The following PKHD1L1 variants were observed in gnomAD, a reference collection of about 807,000 sequenced individuals.
PKHD1L1 encodes PKHD1 like 1.
PKHD1L1 carries 434 observed loss-of-function variants against 462.9 expected under a neutral mutation model. The ratio of observed to expected loss-of-function variants is 0.94; its 90% CI spans 0.87 to 1.02. PKHD1L1 has a LOEUF of 1.02. Ranked by LOEUF, PKHD1L1 falls within the 50% of genes least tolerant of loss-of-function variation. The pLI is 0.00. For synonymous variants in PKHD1L1, 1,781 were observed against 1,750.0 expected (o/e 1.02, Z -0.44); for missense variants, 5,202 against 5,096.1 (o/e 1.02, Z -0.63).
intron 2 of PKHD1L1, among the ~76,000 whole-genome samples, chr8:109,373,572 C>G (rs931494803): frequency 6.6e-6 from 1 of 152,046 alleles, no homozygotes; most frequent in South Asian, 2.1e-4. Flanking sequence ...GCTCTTTCTT[C>G]TCTAGTTCTT....
At chr8:109,439,267 GT>G (rs1815633342) in intron 32 of PKHD1L1, among the ~76,000 whole-genome samples, 175 bp downstream of exon 32, 1 of 152,138 alleles carries the variant, frequency 6.6e-6, no homozygotes, top group South Asian at 2.1e-4. Context: ...ATGACGCATA[GT>G]TTTGAGACCA....
chr8:109,492,727 C>T (rs1818896157), intron 62 of PKHD1L1, among the ~76,000 whole-genome samples: 1 of 151,726 alleles, frequency 6.6e-6, no homozygotes, highest in African/African-American at 2.4e-5. Flanking sequence ...GGAAAAAGTA[C>T]TTAATTGACA....
In PKHD1L1 at chr8:109,461,870, G is replaced by T. The variant is rs1258325415; in HGVS notation, c.7345G>T (p.Gly2449Cys). 11 of 1,604,694 alleles carry T rather than the reference G, an allele frequency of 6.9e-6. No individual in the cohort carries two copies. Among genetic ancestry groups the T allele is most frequent in the Non-Finnish European group, 9.4e-6 (11 of 1,175,252 alleles). ...CGTTATGTTTCATGCTCCTGTACCT[G>T]GTGCTAACATGGTAACTGGGAGAAT... ...GCVMFHAPVP[G>C]ANMVTGRIEY... is the part of the protein sequence containing the mutation. The change falls in exon 48 of 78, where the codon GGT becomes TGT. Residue 2449 changes from glycine (G) to cysteine (C), a missense_variant. By Grantham distance (159) the Gly-to-Cys change is radical. Coordinates refer to ENST00000378402, the MANE Select transcript of PKHD1L1 (RefSeq NM_177531.6).
rs1203333171 is a variant in PKHD1L1, at chr8:109,476,510, A to G, written c.8760A>G (p.Glu2920=). Residue 2920 remains glutamate, a splice_region_variant and synonymous_variant, in exon 52 of 78, where the codon GAA becomes GAG. Transcript: ENST00000378402. Reference sequence around the variant, plus strand: ...CATTTTTCTATAAACTTTTATAGGAAGAAGACTATGTAATTATATCACATA... The same window carrying G: ...CATTTTTCTATAAACTTTTATAGGAGGAAGACTATGTAATTATATCACATA... ...SYTSTFYGFK[E]EDYVIISHNF... The G allele has an allele frequency of 6.8e-7, 1 of 1,461,868 alleles. No homozygotes were observed. Among genetic ancestry groups the G allele is most frequent in the South Asian group, 1.3e-5 (1 of 79,738 alleles). The allele number at this position is 1,461,868 out of a possible 1,614,324, so 90.6% of individuals were successfully genotyped here.
chr8:109,507,855 T>C lies in PKHD1L1; in HGVS notation c.11187T>C (p.Asn3729=), dbSNP rs1395751702. Residue 3729 remains asparagine, a synonymous_variant, in exon 69 of 78, where the codon AAT becomes AAC. Transcript: ENST00000378402. ...RIPKAMLTFL[N]GSRIPVTEKA... The stretch of plus-strand genomic sequence containing the variant: ...CTAAGGCGATGCTCACATTCTTGAA[T>C]GGAAGTAGAATTCCTGTCACTGAGA... The C allele has an allele frequency of 4.3e-6, 7 of 1,613,642 alleles. No individual in the cohort carries two copies. The South Asian group carries it at 6.6e-5, about 15-fold the overall frequency.
At chr8:109,401,423 G>GATAA in intron 13 of PKHD1L1, 74 bp from the exon 14 acceptor site, 1 of 772,082 alleles carries the variant, frequency 1.3e-6, no homozygotes, top group Non-Finnish European at 2.1e-6. Context: ...AATAATAAAT[G>GATAA]ATAAATAAAT....
At chr8:109,435,472 G>T in intron 29 of PKHD1L1, 118 bp downstream of exon 29, 1 of 1,119,814 alleles carries the variant, frequency 8.9e-7, no homozygotes. Flanking sequence ...TAGAACAAAG[G>T]AAAGTCTCCT....
chr8:109,435,647 G>C (rs1465222215), intron 29 of PKHD1L1, among the ~76,000 whole-genome samples: 2 of 152,116 alleles, frequency 1.3e-5, no homozygotes, highest in African/African-American at 4.8e-5. Context: ...AGATTTATTA[G>C]TTATTATTCT....
At chr8:109,517,634 G>T (rs1820339518) in intron 72 of PKHD1L1, among the ~76,000 whole-genome samples, 1 of 152,098 alleles carries the variant, frequency 6.6e-6, no homozygotes, top group African/African-American at 2.4e-5. Flanking sequence ...ATGTAAGCCT[G>T]TTTAGTTGGT....
At chr8:109,514,907 C>A (rs1467557097) in intron 71 of PKHD1L1, among the ~76,000 whole-genome samples, 1 of 152,042 alleles carries the variant, frequency 6.6e-6, no homozygotes, top group East Asian at 1.9e-4. Flanking sequence ...ATGAATCTTT[C>A]TTTAAACTCA....
chr8:109,380,197 C>T (rs149121286), intron 2 of PKHD1L1, among the ~76,000 whole-genome samples: 1 of 149,144 alleles, frequency 6.7e-6, no homozygotes, highest in African/African-American at 2.6e-5. Flanking sequence ...TAAATCTTAG[C>T]AGAGATCTCA....
chr8:109,388,994 A>C (rs1812573526), intron 7 of PKHD1L1, 85 bp from the exon 8 acceptor site: 1 of 905,648 alleles, frequency 1.1e-6, no homozygotes, highest in Non-Finnish European at 1.7e-6. Context: ...ATATTCTGAA[A>C]TTAATGAGTA....
chr8:109,366,550 C>T (rs1193936115), intron 2 of PKHD1L1, among the ~76,000 whole-genome samples: 1 of 152,154 alleles, frequency 6.6e-6, no homozygotes, highest in Admixed American at 6.5e-5. Flanking sequence ...ATATAGTTAA[C>T]AAGACTGCAT....
intron 72 of PKHD1L1, among the ~76,000 whole-genome samples, chr8:109,515,813 C>T (rs1236525664): frequency 2.0e-5 from 3 of 152,050 alleles, no homozygotes; most frequent in East Asian, 1.9e-4. Flanking sequence ...ATTCATTGAC[C>T]GATATTTGTA....
intron 9 of PKHD1L1, among the ~76,000 whole-genome samples, chr8:109,392,790 T>A (rs1812775397): frequency 6.6e-6 from 1 of 152,178 alleles, no homozygotes. Context: ...ATGAGCATTG[T>A]TGAATATCAA....
chr8:109,493,568 G>T (rs960553346), intron 62 of PKHD1L1, 93 bp from the exon 63 acceptor site: 2 of 641,640 alleles, frequency 3.1e-6, no homozygotes, highest in Non-Finnish European at 2.4e-6. Context: ...ATAATTAAAG[G>T]TTTTCATAAG....
rs1377137989 is a variant in PKHD1L1, at chr8:109,452,149, A to C, written c.6376A>C (p.Thr2126Pro). ...FSENMEDVHI[T>P]IAEAKCDVEY... ...TGAAAATATGGAGGATGTTCATATC[A>C]CCATAGCTGAAGCCAAATGTGATGT... is the stretch of plus-strand genomic sequence containing the variant. The change falls in exon 42 of 78, where the codon ACC (threonine) becomes CCC (proline). Residue 2126 changes from threonine (T) to proline (P), a missense_variant. Physicochemically the swap from Thr to Pro is conservative, Grantham distance 38. This residue lies in a region of PKHD1L1 where 4,497 missense variants were observed against 4,336.8 expected (regional missense o/e 1.04). Coordinates refer to ENST00000378402, the MANE Select transcript of PKHD1L1 (RefSeq NM_177531.6). The C allele has an allele frequency of 6.2e-7, 1 of 1,611,578 alleles. No individual in the cohort carries two copies. The highest frequency in any genetic ancestry group is 1.1e-5 in the South Asian group (1 of 90,488).
Position 109,526,799 on chromosome 8 carries a change from T to C in PKHD1L1, c.12500T>C (p.Ile4167Thr). The change falls in exon 77 of 78, where the codon ATT (isoleucine) becomes ACT (threonine). Residue 4167 changes from isoleucine to threonine, a missense_variant. This residue lies in a region of PKHD1L1 where 698 missense variants were observed against 736.3 expected (regional missense o/e 0.95). Transcript: ENST00000378402. ...TPLRTGKNYK[I>T]EFILDNVVGV... is the part of the protein sequence containing the mutation. ...TTTTTTCCAGGAAAAAATTATAAGA[T>C]TGAATTTATACTGGATAATGTTGTT... 1 of 1,549,216 alleles carries C rather than the reference T, an allele frequency of 6.5e-7. No individual in the cohort carries two copies. The highest frequency in any genetic ancestry group is 8.7e-7 in the Non-Finnish European group (1 of 1,145,766).
intron 21 of PKHD1L1, 88 bp from the exon 22 acceptor site, chr8:109,419,009 T>C (rs1467090051): frequency 1.7e-6 from 2 of 1,182,404 alleles, no homozygotes; most frequent in Non-Finnish European, 2.3e-6. Flanking sequence ...AAAAATATTT[T>C]ACTCTATAAA....
Sources: allele counts gnomAD v4.1 joint callset (sites outside exome capture counted in the v4.1 genomes callset), GRCh38; gene constraint gnomAD v4.1.1; regional missense constraint gnomAD v4.1.1; transcripts MANE v1.5; gene names NCBI Gene and HGNC (gene_info 2026-07-23, HGNC 2026-07-21).